Variants in CDH3 observed in about 807,000 individuals in gnomAD.
The protein encoded by CDH3 is cadherin-3.
In CDH3, 54 loss-of-function variants were observed where a neutral mutation model predicts 82.0. That is an observed-to-expected ratio of 0.66 (90% CI 0.53 to 0.83). The LOEUF is 0.83. CDH3 is among the 40% of genes least tolerant of loss of function. CDH3 has a pLI of 0.00. For synonymous variants in CDH3, 446 were observed against 437.9 expected, an observed-to-expected ratio of 1.02 and a Z score of -0.23; for missense variants, 1,054 against 1,084.6, an observed-to-expected ratio of 0.97 and a Z score of 0.40.
intron 6 of CDH3, 73 bp downstream of exon 6, chr16:68,678,979 C>T: frequency 6.7e-7 from 1 of 1,491,728 alleles, no homozygotes; most frequent in Non-Finnish European, 9.3e-7. Context: ...CCCACCATAC[C>T]TGATTTCCTT....
chr16:68,718,629 C>A (rs983419421), intron 1 of CDH3, among the ~76,000 whole-genome samples: 1 of 151,798 alleles, frequency 6.6e-6, no homozygotes, highest in Non-Finnish European at 1.5e-5. Flanking sequence ...TTGCAGTGAG[C>A]CGAGATTGCT....
downstream of CDH3, among the ~76,000 whole-genome samples, chr16:68,731,394 A>AT (rs1203880189): frequency 2.9e-4 from 8 of 27,760 alleles, 3 homozygotes; most frequent in South Asian, 3.3e-3. Context: ...AAAAAAAAAA[A>AT]AATATATATA....
chr16:68,711,034 G>T (rs1962023058), intron 1 of CDH3, among the ~76,000 whole-genome samples: 1 of 147,976 alleles, frequency 6.8e-6, no homozygotes, highest in Non-Finnish European at 1.5e-5. Flanking sequence ...GAGGAGAGAA[G>T]GCGAGGTGGC....
At chr16:68,683,967 T>C (rs1236316963) in intron 9 of CDH3, among the ~76,000 whole-genome samples, 2 of 148,648 alleles carry the variant, frequency 1.3e-5, no homozygotes, top group African/African-American at 2.5e-5. Context: ...CTCGAGAGGC[T>C]GAGGCAGGAG....
At chr16:68,650,368 A>G (rs566993093) in intron 2 of CDH3, among the ~76,000 whole-genome samples, 12 of 152,230 alleles carry the variant, frequency 7.9e-5, no homozygotes, top group African/African-American at 2.2e-4. Flanking sequence ...GCAATGGCGC[A>G]GTCTCGGCTC....
At chr16:68,666,458 G>A (rs1960736206) in intron 2 of CDH3, among the ~76,000 whole-genome samples, 1 of 152,102 alleles carries the variant, frequency 6.6e-6, no homozygotes, top group African/African-American at 2.4e-5. Flanking sequence ...CCAGGGGTGG[G>A]TCCCAAGTGA....
At chr16:68,664,023 C>A (rs540210833) in intron 2 of CDH3, among the ~76,000 whole-genome samples, 34 of 140,406 alleles carry the variant, frequency 2.4e-4, no homozygotes, top group African/African-American at 8.6e-4. Context: ...AGCATTATTC[C>A]CATTTCATAG....
At chr16:68,682,519 T>C (rs371211180) in intron 9 of CDH3, 32 bp downstream of exon 9, 1 of 1,605,776 alleles carries the variant, frequency 6.2e-7, no homozygotes, top group Non-Finnish European at 8.5e-7. Flanking sequence ...ACAATGGCTA[T>C]ACCTGGGGCA....
chr16:68,707,679 T>C lies in CDH3; in HGVS notation c.99+11756T>C, dbSNP rs148325274. On this transcript the variant is annotated intron_variant, in intron 1 of 2. Coordinates refer to the CDH3 transcript ENST00000569080. The surrounding 1 kb of genome is among the most constrained non-coding windows in gnomAD (Gnocchi z 4.5). ...CTAGGAGGCGATGGTGGAAAAGCACTCAGTGTTTAGCGCTGAGCCTGCAGT... is the reference window on the plus strand; with the variant it reads ...CTAGGAGGCGATGGTGGAAAAGCACCCAGTGTTTAGCGCTGAGCCTGCAGT... Among the ~76,000 whole-genome samples, 6 of 152,238 alleles carry C rather than the reference T, an allele frequency of 3.9e-5. No individual in the cohort carries two copies. The East Asian group carries it at 1.2e-3, about 29-fold the overall frequency.
At chr16:68,714,344 C>A (rs1567463759) in intron 1 of CDH3, among the ~76,000 whole-genome samples, 1 of 152,168 alleles carries the variant, frequency 6.6e-6, no homozygotes, top group Non-Finnish European at 1.5e-5. Context: ...GCTGAGAAAT[C>A]GGAATTGAAA....
intron 12 of CDH3, among the ~76,000 whole-genome samples, chr16:68,690,637 C>T (rs1033082312): frequency 2.1e-5 from 3 of 142,540 alleles, no homozygotes; most frequent in South Asian, 2.2e-4. Flanking sequence ...GGCCGGGCAC[C>T]GTGGCTCACG....
intron 2 of CDH3, among the ~76,000 whole-genome samples, chr16:68,664,629 T>C (rs1030693768): frequency 1.3e-5 from 2 of 152,136 alleles, no homozygotes; most frequent in African/African-American, 4.8e-5. Context: ...ACTGGTGAGA[T>C]GTGAATGAAA....
At chr16:68,710,282 C>G (rs1008905704) in intron 1 of CDH3, among the ~76,000 whole-genome samples, 2 of 152,222 alleles carry the variant, frequency 1.3e-5, no homozygotes, top group African/African-American at 4.8e-5. Flanking sequence ...TGCACTTGCC[C>G]TGTTAGGACT....
At chr16:68,717,181 CT>C (rs1391075954) in intron 1 of CDH3, among the ~76,000 whole-genome samples, 1 of 151,808 alleles carries the variant, frequency 6.6e-6, no homozygotes. Flanking sequence ...TATTGCAGAT[CT>C]TTATTACTTG....
chr16:68,730,548 A>AC (rs1962272579), downstream of CDH3, among the ~76,000 whole-genome samples: 1 of 152,192 alleles, frequency 6.6e-6, no homozygotes, highest in South Asian at 2.1e-4. Context: ...AAACAAACAA[A>AC]AAAAATTGTT....
At chr16:68,683,729 C>T (rs183978496) in intron 9 of CDH3, among the ~76,000 whole-genome samples, 1 of 78,840 alleles carries the variant, frequency 1.3e-5, no homozygotes, top group East Asian at 3.6e-4. Flanking sequence ...AAAGAAAATC[C>T]AGCCTGGACA....
At chr16:68,663,469 C>T (rs752486605) in intron 2 of CDH3, among the ~76,000 whole-genome samples, 6 of 148,680 alleles carry the variant, frequency 4.0e-5, no homozygotes, top group Non-Finnish European at 9.0e-5. Context: ...CTCCTGACCC[C>T]GAGATCCACC....
rs770685049 is a variant in CDH3 at position 68,698,202 on chromosome 16, G to T, written c.2292G>T (p.Ala764=). Residue 764 remains alanine (A), a synonymous_variant, in exon 16 of 16, where the codon GCG becomes GCT. Coordinates refer to ENST00000264012, the MANE Select transcript of CDH3 (RefSeq NM_001793.6). The stretch of plus-strand genomic sequence containing the variant: ...CTCTGTTGCCGCAGAACCTGAAGGC[G>T]GCTAACACAGACCCCACAGCCCCGC... ...IGNFIIENLK[A]ANTDPTAPPY... The T allele has an allele frequency of 1.1e-5, 17 of 1,614,178 alleles. No individual in the cohort carries two copies. Among genetic ancestry groups the T allele is most frequent in the Non-Finnish European group, 1.4e-5 (17 of 1,180,024 alleles).
chr16:68,685,470 C>T, intron 11 of CDH3, 120 bp downstream of exon 11: 2 of 1,061,582 alleles, frequency 1.9e-6, no homozygotes, highest in East Asian at 2.4e-5. Flanking sequence ...ATTTGCAAAC[C>T]AATCCAGACG....
Sources: allele counts gnomAD v4.1 joint callset (sites outside exome capture counted in the v4.1 genomes callset), GRCh38; gene constraint gnomAD v4.1.1; non-coding constraint Gnocchi (gnomAD v3.1); transcripts MANE v1.5; gene names NCBI Gene and HGNC (gene_info 2026-07-23, HGNC 2026-07-21).